UGP2: variants seen among roughly 807,000 people sequenced by gnomAD.
UGP2 encodes the protein UDP-glucose pyrophosphorylase 2.
In UGP2, 40 loss-of-function variants were observed where a neutral mutation model predicts 49.0. The observed-to-expected ratio is 0.82, with a 90% CI of 0.63 to 1.06. The LOEUF is 1.06. Among genes scored for constraint, UGP2 ranks in the 50% least tolerant of loss-of-function variants. UGP2 has a pLI of 0.00. For synonymous variants in UGP2, 225 were observed against 213.0 expected, an observed-to-expected ratio of 1.06 and a Z score of -0.49; for missense variants, 460 against 603.5, an observed-to-expected ratio of 0.76 and a Z score of 2.49.
rs373139451 is a variant in UGP2, at chr2:63,857,811, T to C, written c.148-18T>C. ...TTAAGCATTCTGCTGGTTGTAACAA[T>C]GACTTCTATTTTCACAGCACACCAA... On this transcript the variant is annotated intron_variant, in intron 2 of 9. Transcript: ENST00000337130. 3.7e-6 allele frequency: 6 copies of C among 1,603,494 alleles called. No individual in the cohort carries two copies. The African/African-American group carries it at 8.1e-5, about 22-fold the overall frequency.
chr2:63,883,867 A>G (rs1671484474), intron 4 of UGP2, 93 bp from the exon 5 acceptor site: 2 of 1,457,412 alleles, frequency 1.4e-6, no homozygotes, highest in Non-Finnish European at 1.8e-6. Context: ...GATGTTTTAG[A>G]TATTTTATGA....
intron 1 of UGP2, among the ~76,000 whole-genome samples, chr2:63,848,215 C>T (rs1317905547): frequency 6.6e-6 from 1 of 152,040 alleles, no homozygotes; most frequent in Non-Finnish European, 1.5e-5. Flanking sequence ...AGACTGTTGC[C>T]GTTTTGACAT....
chr2:63,855,387 G>T (rs1669321189), intron 1 of UGP2: 2 of 478,340 alleles, frequency 4.2e-6, no homozygotes, highest in African/African-American at 2.0e-5. Flanking sequence ...AGAAGGGGAA[G>T]GGTGGACAAA....
chr2:63,855,652 C>T (rs1226399761), intron 1 of UGP2: 6 of 438,994 alleles, frequency 1.4e-5, no homozygotes, highest in Admixed American at 4.9e-5. Context: ...AGGTATCCTC[C>T]TGCTTCAGCC....
chr2:63,877,418 T>C (rs1429842005), intron 3 of UGP2, among the ~76,000 whole-genome samples: 3 of 152,240 alleles, frequency 2.0e-5, no homozygotes, highest in Non-Finnish European at 2.9e-5. Context: ...CTTGAAGTTA[T>C]CTCACAAACT....
chr2:63,883,427 T>G (rs1671443591), intron 4 of UGP2: 1 of 152,416 alleles, frequency 6.6e-6, no homozygotes, highest in African/African-American at 2.4e-5. Context: ...CTTCACACTC[T>G]GCTGCCTCGT....
intron 1 of UGP2, among the ~76,000 whole-genome samples, chr2:63,854,040 G>C (rs1453787413): frequency 6.6e-6 from 1 of 152,126 alleles, no homozygotes; most frequent in Non-Finnish European, 1.5e-5. Flanking sequence ...TTTGCGTCAA[G>C]GTTAAAGAGA....
At chr2:63,862,640 T>TA (rs1391697475) in intron 3 of UGP2, among the ~76,000 whole-genome samples, 2 of 152,176 alleles carry the variant, frequency 1.3e-5, no homozygotes, top group Non-Finnish European at 2.9e-5. Flanking sequence ...CCAGGGTCTC[T>TA]AACTACTGCC....
chr2:63,845,751 T>C (rs1442095224), intron 1 of UGP2, among the ~76,000 whole-genome samples: 1 of 152,200 alleles, frequency 6.6e-6, no homozygotes, highest in African/African-American at 2.4e-5. Context: ...GCATTACACC[T>C]AAGTGTTGTG....
chr2:63,891,087 C>T (rs1231354980), intron 9 of UGP2, 33 bp from the exon 10 acceptor site: 2 of 1,570,630 alleles, frequency 1.3e-6, no homozygotes, highest in Non-Finnish European at 1.7e-6. Flanking sequence ...ATTTCAGTTG[C>T]AAGTACACTC....
intron 3 of UGP2, among the ~76,000 whole-genome samples, chr2:63,874,797 C>T (rs1298226206): frequency 1.3e-5 from 2 of 151,152 alleles, no homozygotes; most frequent in Non-Finnish European, 3.0e-5. Context: ...AAGCCTGGTA[C>T]CTCCCTCCCT....
intron 1 of UGP2, 96 bp downstream of exon 1, chr2:63,842,300 C>T (rs1464127761): frequency 8.7e-6 from 14 of 1,607,250 alleles, no homozygotes; most frequent in African/African-American, 1.3e-5. Context: ...TGGAAATGTT[C>T]ATTTGAGATA....
At chr2:63,847,777 G>T (rs565022554) in intron 1 of UGP2, among the ~76,000 whole-genome samples, 8 of 152,252 alleles carry the variant, frequency 5.3e-5, no homozygotes, top group African/African-American at 1.9e-4. Context: ...TTCTTTTGTG[G>T]TGGAATGTCA....
At position 63,886,461 on chromosome 2, in the gene UGP2, C is replaced by T; in HGVS notation, c.994C>T (p.Leu332=). 1 of 1,614,140 alleles carries T rather than the reference C, an allele frequency of 6.2e-7. No individual in the cohort carries two copies. Among genetic ancestry groups the T allele is most frequent in the Non-Finnish European group, 8.5e-7 (1 of 1,180,028 alleles). ...GTTCAAAATATTTAATACAAACAAC[C>T]TATGGATTTCTCTTGCAGCAGTTAA... ...SKFKIFNTNN[L]WISLAAVKRL... Residue 332 remains leucine (L), a synonymous_variant, in exon 7 of 10, where the codon CTA becomes TTA. Coordinates refer to ENST00000337130, the MANE Select transcript of UGP2 (RefSeq NM_006759.4).
chr2:63,884,142 ACTT>A (rs763392980), intron 5 of UGP2, 49 bp downstream of exon 5: 1 of 1,601,416 alleles, frequency 6.2e-7, no homozygotes, highest in South Asian at 1.1e-5. Flanking sequence ...CTGGGAAAGG[ACTT>A]CTTTATCTTG....
Position 63,887,625 on chromosome 2 carries a change from T to G in UGP2, c.1295T>G (p.Leu432Ter). ...REFPTVPLVK[L>*]GSSFTKVQDY... ...TTTCCTACAGTGCCCTTGGTTAAATTAGGCAGTTCTTTTACGAAGGTACGT... is the reference window on the plus strand; with the variant it reads ...TTTCCTACAGTGCCCTTGGTTAAATGAGGCAGTTCTTTTACGAAGGTACGT... Residue 432 changes from leucine (L) to a stop codon, truncating the protein, a stop_gained, in exon 8 of 10, where the codon TTA becomes TGA. Transcript: ENST00000337130. LOFTEE classifies it high-confidence loss of function. The G allele has an allele frequency of 1.9e-6, 3 of 1,614,124 alleles. No homozygotes were observed. The highest frequency in any genetic ancestry group is 8.5e-7 in the Non-Finnish European group (1 of 1,179,994).
At chr2:63,875,764 C>T (rs571774338) in intron 3 of UGP2, among the ~76,000 whole-genome samples, 18 of 152,312 alleles carry the variant, frequency 1.2e-4, no homozygotes, top group Admixed American at 6.5e-4. Flanking sequence ...GAGCCTCATG[C>T]GGTTTGCCCC....
intron 1 of UGP2, among the ~76,000 whole-genome samples, chr2:63,846,421 C>G (rs1671934904): frequency 7.2e-6 from 1 of 139,492 alleles, no homozygotes; most frequent in Non-Finnish European, 1.5e-5. Flanking sequence ...TGCTAATGCT[C>G]TAATATTAGA....
intron 5 of UGP2, among the ~76,000 whole-genome samples, chr2:63,885,070 G>GTCT: frequency 7.7e-6 from 1 of 130,560 alleles, no homozygotes; most frequent in South Asian, 2.4e-4. Context: ...GTCTGTTGCG[G>GTCT]TGCTAGCTCC....
Sources: allele counts gnomAD v4.1 joint callset (sites outside exome capture counted in the v4.1 genomes callset), GRCh38; gene constraint gnomAD v4.1.1; transcripts MANE v1.5; gene names NCBI Gene and HGNC (gene_info 2026-07-23, HGNC 2026-07-21).